TBC1D14: variants seen among roughly 807,000 people sequenced by gnomAD.
TBC1D14 encodes the protein TBC1 domain family member 14, also known as TBC1 domain family, member 14.
A neutral mutation model predicts 79.0 loss-of-function variants in TBC1D14; 26 were observed. The observed-to-expected ratio is 0.33, with a 90% CI of 0.24 to 0.46. TBC1D14 has a LOEUF of 0.46. TBC1D14 is among the 20% of genes least tolerant of loss of function. The pLI is 1.00. For missense variants in TBC1D14, 769 were observed against 887.6 expected (o/e 0.87, Z 1.70); for synonymous variants, 394 against 349.9 (o/e 1.13, Z -1.40).
At chr4:6,919,152 C>CTT (rs879322215) in intron 1 of TBC1D14, among the ~76,000 whole-genome samples, 1 of 145,634 alleles carries the variant, frequency 6.9e-6, no homozygotes. Context: ...GTAATTTCAC[C>CTT]TTTTTTTTTT....
chr4:6,992,973 G>A (rs996520924), intron 3 of TBC1D14, among the ~76,000 whole-genome samples: 2 of 152,218 alleles, frequency 1.3e-5, no homozygotes, highest in Admixed American at 6.5e-5. Flanking sequence ...CTTGGTGCAC[G>A]TCCTTCTCAT....
At chr4:6,988,850 C>G (rs1478136303) in intron 3 of TBC1D14, among the ~76,000 whole-genome samples, 1 of 150,226 alleles carries the variant, frequency 6.7e-6, no homozygotes, top group East Asian at 1.9e-4. Context: ...GTCTTTCTAC[C>G]AGGAGTACTT....
At chr4:6,988,885 C>CTTTCTTTTTTTTTTTT (rs748889966) in intron 3 of TBC1D14, among the ~76,000 whole-genome samples, 2 of 76,810 alleles carry the variant, frequency 2.6e-5, no homozygotes, top group African/African-American at 1.1e-4. Context: ...TTCTTTCTTT[C>CTTTCTTTTTTTTTTTT]TTTTTTTTTT....
At chr4:6,978,526 CA>C (rs552122611) in intron 3 of TBC1D14, among the ~76,000 whole-genome samples, 216 of 149,362 alleles carry the variant, frequency 1.4e-3, no homozygotes, top group Non-Finnish European at 2.5e-3. Flanking sequence ...CTTTGTTAAA[CA>C]GATGCTTGAA....
chr4:7,000,744 C>T (rs1258465725), intron 6 of TBC1D14, among the ~76,000 whole-genome samples: 1 of 152,198 alleles, frequency 6.6e-6, no homozygotes, highest in Non-Finnish European at 1.5e-5. Flanking sequence ...GTCTCCAGTG[C>T]TGCTGCAGTG....
intron 12 of TBC1D14, among the ~76,000 whole-genome samples, chr4:7,015,704 C>G (rs1047153518): frequency 6.6e-6 from 1 of 152,090 alleles, no homozygotes; most frequent in Non-Finnish European, 1.5e-5. Flanking sequence ...AAGAGGGTGC[C>G]TCCGGGATCC....
Position 7,030,416 on chromosome 4 carries a change from G to C in TBC1D14, c.*24G>C. The C allele has an allele frequency of 6.2e-7, 1 of 1,613,142 alleles. No homozygotes were observed. The highest frequency in any genetic ancestry group is 1.7e-4 in the Middle Eastern group (1 of 5,994). ...GAGGCTGCAGCGGGAATTCGCACTC[G>C]GCACCAATCAGAGCCCCATGCCGCG... On this transcript the variant is annotated 3_prime_UTR_variant, in exon 14 of 14. Transcript: ENST00000409757.
At position 6,951,173 on chromosome 4, in the gene TBC1D14, T is replaced by C. The variant is rs371366740; in HGVS notation, c.723-16131T>C. On this transcript the variant is annotated intron_variant, in intron 2 of 13. Coordinates refer to ENST00000409757, the MANE Select transcript of TBC1D14 (RefSeq NM_020773.3). ...CGCGTGTAGTGGCAGGCACCTATAATCCCAGCTACTCAGGAGGCTGAGGCA... is the reference window on the plus strand; with the variant it reads ...CGCGTGTAGTGGCAGGCACCTATAACCCCAGCTACTCAGGAGGCTGAGGCA... Among the ~76,000 whole-genome samples, 21 of 152,148 alleles carry C rather than the reference T, an allele frequency of 1.4e-4. No homozygotes were observed. The East Asian group carries it at 3.9e-3, about 28-fold the overall frequency.
chr4:6,954,449 G>A (rs887077819), intron 2 of TBC1D14: 7 of 710,798 alleles, frequency 9.8e-6, no homozygotes, highest in Middle Eastern at 4.6e-4. Flanking sequence ...CCTTGGTTGG[G>A]CTGAGGTGTT....
intron 2 of TBC1D14, among the ~76,000 whole-genome samples, chr4:6,934,344 G>T (rs1031300761): frequency 1.3e-5 from 2 of 152,064 alleles, no homozygotes; most frequent in Non-Finnish European, 2.9e-5. Context: ...GGTGAGCATG[G>T]GTGTCAACAA....
At chr4:6,916,988 T>C (rs142943665) in intron 1 of TBC1D14, among the ~76,000 whole-genome samples, 19 of 152,354 alleles carry the variant, frequency 1.2e-4, no homozygotes, top group African/African-American at 4.3e-4. Flanking sequence ...GAATTTTCAC[T>C]TTCCTGACCA....
At chr4:6,962,757 A>G (rs1326172392) in intron 2 of TBC1D14, among the ~76,000 whole-genome samples, 1 of 150,480 alleles carries the variant, frequency 6.6e-6, no homozygotes, top group African/African-American at 2.5e-5. Flanking sequence ...TTTCAGAGGG[A>G]CTCCTTCCTG....
In TBC1D14 at chr4:6,923,672, C is replaced by G; in HGVS notation, c.283C>G (p.Leu95Val). Residue 95 changes from leucine (L) to valine (V), a missense_variant, in exon 2 of 14, where the codon CTC (leucine) becomes GTC (valine). This residue lies in a region of TBC1D14 where 402 missense variants were observed against 393.2 expected (regional missense o/e 1.02). Transcript: ENST00000409757. ...HVRRKQSDSD[L>V]IPERAFQSAC... ...GAGGAGGAAGCAGTCCGACTCCGAC[C>G]TCATCCCCGAGCGGGCCTTCCAGAG... 1 of 1,613,822 alleles carries G rather than the reference C, an allele frequency of 6.2e-7. No homozygotes were observed. Among genetic ancestry groups the G allele is most frequent in the Non-Finnish European group, 8.5e-7 (1 of 1,180,030 alleles).
rs201400664 is a variant in TBC1D14 at position 6,924,011 on chromosome 4, A to G, written c.622A>G (p.Ile208Val). The change falls in exon 2 of 14, where the codon ATC (isoleucine) becomes GTC (valine). Residue 208 changes from isoleucine (I) to valine (V), a missense_variant. Coordinates refer to ENST00000409757, the MANE Select transcript of TBC1D14 (RefSeq NM_020773.3). ...GTTTACCAACGTCACCTTGAGCTCT[A>G]TCAAGGAAACCCGTGGCTTACACCA... ...PQFTNVTLSS[I>V]KETRGLHQQD... is the part of the protein sequence containing the mutation. The G allele has an allele frequency of 2.2e-5, 35 of 1,614,180 alleles. No homozygotes were observed. In the East Asian group the frequency reaches 4.7e-4, roughly 22 times the overall value.
At chr4:6,983,361 C>G (rs546742455) in intron 3 of TBC1D14, among the ~76,000 whole-genome samples, 39 of 152,230 alleles carry the variant, frequency 2.6e-4, no homozygotes, top group African/African-American at 7.7e-4. Context: ...TGAAACCAGA[C>G]GTAAGTGGAT....
At chr4:6,990,327 T>A (rs919119953) in intron 3 of TBC1D14, among the ~76,000 whole-genome samples, 1 of 152,220 alleles carries the variant, frequency 6.6e-6, no homozygotes, top group Non-Finnish European at 1.5e-5. Flanking sequence ...CACGCGCTTG[T>A]AATCCCAGCT....
intron 1 of TBC1D14, among the ~76,000 whole-genome samples, chr4:6,913,343 G>A (rs1723148774): frequency 6.6e-6 from 1 of 152,216 alleles, no homozygotes; most frequent in African/African-American, 2.4e-5. Context: ...ATACATAGAA[G>A]TGTAAGAATG....
rs577144333 is a variant in TBC1D14, at chr4:7,006,634, G to C, written c.1354G>C (p.Ala452Pro). 3.7e-5 allele frequency: 60 copies of C among 1,613,690 alleles called. No individual in the cohort carries two copies. In the South Asian group the frequency reaches 5.8e-4, roughly 16 times the overall value. Residue 452 changes from alanine to proline, a missense_variant and splice_region_variant, in exon 9 of 14, where the codon GCT becomes CCT. Transcript: ENST00000409757. ...TTATTTTTGGCATCTTTTGACAGAT[G>C]CTGGTTTTTCAGCAGCAGACAGAGA... ...TGGSEVENED[A>P]GFSAADREAS... is the part of the protein sequence containing the mutation.
At chr4:6,951,464 G>A (rs1466149572) in intron 2 of TBC1D14, among the ~76,000 whole-genome samples, 1 of 151,986 alleles carries the variant, frequency 6.6e-6, no homozygotes, top group African/African-American at 2.4e-5. Flanking sequence ...CCAGGAATTC[G>A]AGTCCAGCCT....
Sources: gnomAD v4.1 joint callset for allele counts (sites outside exome capture counted in the v4.1 genomes callset) on GRCh38, gnomAD v4.1.1 for gene constraint, gnomAD v4.1.1 regional missense constraint, MANE v1.5 for transcripts, NCBI Gene and HGNC (gene_info 2026-07-23, HGNC 2026-07-21) for gene names.